Variants in CD58 observed in about 807,000 individuals in gnomAD.
CD58 encodes CD58 molecule.
Under a neutral mutation model 27.6 loss-of-function variants are expected in CD58, and 14 were observed. The ratio of observed to expected loss-of-function variants is 0.51; its 90% CI spans 0.34 to 0.79. The LOEUF (loss-of-function observed/expected upper bound fraction) is 0.79, where lower values mean the gene tolerates loss of function less well. Among genes scored for constraint, CD58 ranks in the 30% least tolerant of loss-of-function variants. The probability of loss-of-function intolerance (pLI) is 0.02; values close to 1 mark genes in which losing one functional copy is unlikely to be tolerated. For missense variants in CD58, 268 were observed against 301.7 expected (o/e 0.89, Z 0.83); for synonymous variants, 117 against 103.8 (o/e 1.13, Z -0.77).
Position 116,517,321 on chromosome 1 carries a change from TC to T in CD58, c.743+1909del, listed in dbSNP as rs1657111245. Among the ~76,000 whole-genome samples, 1 of 152,036 alleles carries T rather than the reference TC, an allele frequency of 6.6e-6. No individual in the cohort carries two copies. The highest frequency in any genetic ancestry group is 1.5e-5 in the Non-Finnish European group (1 of 67,976). ...CCCAGCCTCCTGGCCCATCAACCCCTCATGGCCTTGGGTCCTCCCAGCTTGG... is the reference window on the plus strand; with the variant it reads ...CCCAGCCTCCTGGCCCATCAACCCCTATGGCCTTGGGTCCTCCCAGCTTGG... On this transcript the variant is annotated intron_variant, in intron 5 of 5. Transcript: ENST00000369489. This position sits in a 1 kb window ranked among gnomAD's most constrained non-coding sequence, Gnocchi z 6.5.
chr1:116,552,031 C>T lies in CD58; in HGVS notation c.71-7427G>A, dbSNP rs141213272. The stretch of plus-strand genomic sequence containing the variant: ...CTGGGATTACAGTTGTGAGCCACCA[C>T]GCCCGGCCACCTGTCATGGCTTTTC... On this transcript the variant is annotated intron_variant, in intron 1 of 5. Coordinates refer to ENST00000369489, the MANE Select transcript of CD58 (RefSeq NM_001779.3). The surrounding 1 kb of genome is among the most constrained non-coding windows in gnomAD (Gnocchi z 4.5). Among the ~76,000 whole-genome samples, 161 of 152,326 alleles carry T rather than the reference C, an allele frequency of 1.1e-3. 1 individual carries two copies. Among genetic ancestry groups the T allele is most frequent in the Middle Eastern group, 3.4e-3 (1 of 294 alleles).
rs921774666 is a variant in CD58 at position 116,562,163 on chromosome 1, TA to T, written c.70+8739del. Among the ~76,000 whole-genome samples, 703 of 151,296 alleles carry T rather than the reference TA, an allele frequency of 4.6e-3. 4 individuals are homozygous for T. The highest frequency in any genetic ancestry group is 0.015 in the African/African-American group (628 of 41,242). ...GTTCAGATTCAACAATCTTTACTATTAAAAAAAAACAGATCAATATAAGGAA... is the reference window on the plus strand; with the variant it reads ...GTTCAGATTCAACAATCTTTACTATTAAAAAAAACAGATCAATATAAGGAA... On this transcript the variant is annotated intron_variant, in intron 1 of 5. Coordinates refer to ENST00000369489, the MANE Select transcript of CD58 (RefSeq NM_001779.3).
At chr1:116,567,155 A>C (rs1658963731) in intron 1 of CD58, among the ~76,000 whole-genome samples, 1 of 145,182 alleles carries the variant, frequency 6.9e-6, no homozygotes, top group Non-Finnish European at 1.5e-5. Flanking sequence ...AAAAGAGAAA[A>C]GGCAATGAAA....
rs755955274 is a variant in CD58, at chr1:116,516,558, G to A, written c.744-1736C>T. ...TCTTTTGCCTCTACTTCAACTCGAT[G>A]CCAGGCAGGTCAATCTTACTATCAA... On this transcript the variant is annotated intron_variant, in intron 5 of 5. Transcript: ENST00000369489. The surrounding 1 kb of genome is among the most constrained non-coding windows in gnomAD (Gnocchi z 6.1). Among the ~76,000 whole-genome samples, 4 of 152,096 alleles carry A rather than the reference G, an allele frequency of 2.6e-5. No individual in the cohort carries two copies. The highest frequency in any genetic ancestry group is 5.9e-5 in the Non-Finnish European group (4 of 68,030).
At position 116,521,373 on chromosome 1, in the gene CD58, G is replaced by C. The variant is rs190200436; in HGVS notation, c.706+533C>G. 6.6e-6 allele frequency among the ~76,000 whole-genome samples: 1 copy of C among 152,312 alleles called. No homozygotes were observed. Among genetic ancestry groups the C allele is most frequent in the East Asian group, 1.9e-4 (1 of 5,176 alleles). On this transcript the variant is annotated intron_variant, in intron 4 of 5. Coordinates refer to ENST00000369489, the MANE Select transcript of CD58 (RefSeq NM_001779.3). This position sits in a 1 kb window ranked among gnomAD's most constrained non-coding sequence, Gnocchi z 5.6. The stretch of plus-strand genomic sequence containing the variant: ...ATTACTCATTACCAGGAATGAACAG[G>C]CTGGGAACAAATTCTCCAAGTCATC...
At chr1:116,543,024 G>C (rs1658042566) in intron 2 of CD58, among the ~76,000 whole-genome samples, 3 of 152,252 alleles carry the variant, frequency 2.0e-5, no homozygotes, top group Admixed American at 1.3e-4. Flanking sequence ...ATTGAGGTAA[G>C]TGATTAGAGA....
chr1:116,568,078 AAC>A (rs1659003326), intron 1 of CD58, among the ~76,000 whole-genome samples: 1 of 148,588 alleles, frequency 6.7e-6, no homozygotes, highest in Non-Finnish European at 1.5e-5. Flanking sequence ...AAAAAAAAGC[AAC>A]AGTTTTAGGT....
At chr1:116,562,245 G>T (rs1658780579) in intron 1 of CD58, among the ~76,000 whole-genome samples, 1 of 152,154 alleles carries the variant, frequency 6.6e-6, no homozygotes, top group Non-Finnish European at 1.5e-5. Context: ...ATCTAGTTAT[G>T]CAGATAGTTG....
chr1:116,535,665 C>T (rs1340625483), intron 3 of CD58, among the ~76,000 whole-genome samples: 1 of 112,460 alleles, frequency 8.9e-6, no homozygotes, highest in African/African-American at 3.8e-5. Flanking sequence ...CACGGTGAAA[C>T]CCCGTCTCTA....
Position 116,570,927 on chromosome 1 carries a change from C to A in CD58, c.46G>T (p.Val16Leu). ...DAGRALGVLS[V>L]VCLLHCFGFI... The stretch of plus-strand genomic sequence containing the variant: ...CCAAAGCAGTGCAGCAGGCAGACCA[C>A]GCTGAGGACCCCCAGGGCCCGCCCC... The change falls in exon 1 of 6, where the codon GTG becomes TTG. Residue 16 changes from valine to leucine, a missense_variant. By Grantham distance (32) the Val-to-Leu change is conservative. Transcript: ENST00000369489. The surrounding 1 kb of genome is among the most constrained non-coding windows in gnomAD (Gnocchi z 6.4). 6.4e-7 allele frequency: 1 copy of A among 1,569,228 alleles called. No homozygotes were observed. Among genetic ancestry groups the A allele is most frequent in the Admixed American group, 1.9e-5 (1 of 53,996 alleles).
At position 116,557,981 on chromosome 1, in the gene CD58, T is replaced by C. The variant is rs780586066; in HGVS notation, c.70+12922A>G. Among the ~76,000 whole-genome samples, 41 of 152,068 alleles carry C rather than the reference T, an allele frequency of 2.7e-4. No individual in the cohort carries two copies. The highest frequency in any genetic ancestry group is 5.4e-4 in the Non-Finnish European group (37 of 68,014). Reference sequence around the variant, plus strand: ...GAGCCACCATGCCCAGCCAATGCCATACCTTAGAGACAAGCTAATCACTCT... The same window carrying C: ...GAGCCACCATGCCCAGCCAATGCCACACCTTAGAGACAAGCTAATCACTCT... On this transcript the variant is annotated intron_variant, in intron 1 of 5. Transcript: ENST00000369489. The surrounding 1 kb of genome is among the most constrained non-coding windows in gnomAD (Gnocchi z 5.2).
In CD58 at chr1:116,536,852, G is replaced by C. The variant is rs1274039604; in HGVS notation, c.365-624C>G. ...TCTGAAGCCAAAAGAGTCTTCGCAA[G>C]TTGGTAGCAAAATCGTTTAGCTGCA... On this transcript the variant is annotated intron_variant, in intron 2 of 5. Transcript: ENST00000369489. This position sits in a 1 kb window ranked among gnomAD's most constrained non-coding sequence, Gnocchi z 5.4. Among the ~76,000 whole-genome samples, 1 of 152,230 alleles carries C rather than the reference G, an allele frequency of 6.6e-6. No individual in the cohort carries two copies. The highest frequency in any genetic ancestry group is 1.5e-5 in the Non-Finnish European group (1 of 68,040).
At position 116,538,302 on chromosome 1, in the gene CD58, C is replaced by G. The variant is rs749074025; in HGVS notation, c.365-2074G>C. Among the ~76,000 whole-genome samples, 2 of 152,298 alleles carry G rather than the reference C, an allele frequency of 1.3e-5. No homozygotes were observed. The highest frequency in any genetic ancestry group is 3.4e-3 in the Middle Eastern group (1 of 294). On this transcript the variant is annotated intron_variant, in intron 2 of 5. Transcript: ENST00000369489. The surrounding 1 kb of genome is among the most constrained non-coding windows in gnomAD (Gnocchi z 4.7). ...GCTCTAGTTGACTCAAAATTGAAAG[C>G]CTAGAGCCCTGCTCTCCTAACTTCC...
chr1:116,562,058 A>G (rs147328571), intron 1 of CD58, among the ~76,000 whole-genome samples: 259 of 152,298 alleles, frequency 1.7e-3, no homozygotes, highest in African/African-American at 6.0e-3. Flanking sequence ...AACTCCAGCA[A>G]AGCACATGAA....
Position 116,521,779 on chromosome 1 carries a change from C to T in CD58, c.706+127G>A. 1 of 668,028 alleles carries T rather than the reference C, an allele frequency of 1.5e-6. No homozygotes were observed. 41.4% of individuals were successfully genotyped at this position (668,028 alleles called of 1,614,324 possible). A position where few individuals can be genotyped will look rare whatever the true frequency, so the allele number is the denominator to read the frequency against. ...GCTCAGCAGTCCCACACACGTAAAG[C>T]AAAAAAGTTTTTGTTTCTTTTCAAA... is the stretch of plus-strand genomic sequence containing the variant. On this transcript the variant is annotated intron_variant, in intron 4 of 5. Transcript: ENST00000369489. The surrounding 1 kb of genome is among the most constrained non-coding windows in gnomAD (Gnocchi z 5.6).
rs1251237942 is a variant in CD58 at position 116,527,561 on chromosome 1, C to A, written c.629-5578G>T. On this transcript the variant is annotated intron_variant, in intron 3 of 5. Transcript: ENST00000369489. This position sits in a 1 kb window ranked among gnomAD's most constrained non-coding sequence, Gnocchi z 4.4. ...CATGATGTATAATTCTTTCTATATG[C>A]TGTTGGATCCAATTTGCTAATATTT... 6.6e-6 allele frequency among the ~76,000 whole-genome samples: 1 copy of A among 152,138 alleles called. No homozygotes were observed. The highest frequency in any genetic ancestry group is 6.5e-5 in the Admixed American group (1 of 15,288).
chr1:116,529,298 T>C (rs1242521726), intron 3 of CD58, among the ~76,000 whole-genome samples: 1 of 152,190 alleles, frequency 6.6e-6, no homozygotes, highest in East Asian at 1.9e-4. Context: ...GCATAAAACC[T>C]CCATGCTATC....
intron 1 of CD58, among the ~76,000 whole-genome samples, chr1:116,547,511 A>G (rs554722321): frequency 2.0e-5 from 3 of 151,286 alleles, no homozygotes; most frequent in Non-Finnish European, 4.4e-5. Flanking sequence ...TTGTATTTTT[A>G]GTAAAGACGG....
chr1:116,548,958 G>T (rs1658289318), intron 1 of CD58, among the ~76,000 whole-genome samples: 1 of 152,162 alleles, frequency 6.6e-6, no homozygotes, highest in African/African-American at 2.4e-5. Context: ...GGCTCCAAGA[G>T]GCATATCACC....
Sources: allele counts gnomAD v4.1 joint callset (sites outside exome capture counted in the v4.1 genomes callset), GRCh38; gene constraint gnomAD v4.1.1; non-coding constraint Gnocchi (gnomAD v3.1); transcripts MANE v1.5; gene names NCBI Gene and HGNC (gene_info 2026-07-23, HGNC 2026-07-21).